Variants in TRPS1 observed in about 807,000 individuals in gnomAD.
TRPS1 encodes the protein transcriptional repressor GATA binding 1, also known as zinc finger transcription factor Trps1.
A neutral mutation model predicts 101.2 loss-of-function variants in TRPS1; 6 were observed. The observed-to-expected ratio is 0.06, with a 90% CI of 0.03 to 0.12. The LOEUF (loss-of-function observed/expected upper bound fraction) is 0.12. Among genes scored for constraint, TRPS1 ranks in the 10% least tolerant of loss-of-function variants. The pLI is 1.00. For missense variants in TRPS1, 1,363 were observed against 1,567.0 expected (o/e 0.87, Z 2.20); for synonymous variants, 578 against 589.8 (o/e 0.98, Z 0.29).
chr8:115,427,161 G>A (rs1218387107), intron 5 of TRPS1, among the ~76,000 whole-genome samples: 2 of 151,260 alleles, frequency 1.3e-5, no homozygotes, highest in East Asian at 3.9e-4. Flanking sequence ...TCTATAATCT[G>A]AGCTACTCTG....
intron 5 of TRPS1, among the ~76,000 whole-genome samples, chr8:115,456,082 G>A (rs903116331): frequency 7.2e-5 from 11 of 152,044 alleles, no homozygotes; most frequent in Non-Finnish European, 1.3e-4. Context: ...TGTGAGCCAC[G>A]GTGCCTGGCC....
chr8:115,469,170 A>G (rs2130006545), intron 5 of TRPS1, among the ~76,000 whole-genome samples: 1 of 152,228 alleles, frequency 6.6e-6, no homozygotes, highest in South Asian at 2.1e-4. Flanking sequence ...AAACATACAC[A>G]CACACATGCT....
chr8:115,495,540 TTTCCTA>T, intron 5 of TRPS1, among the ~76,000 whole-genome samples: 1 of 151,218 alleles, frequency 6.6e-6, no homozygotes, highest in East Asian at 1.9e-4. Context: ...CAGAATCCTT[TTTCCTA>T]TTCCTATTCC....
At chr8:115,595,494 T>C (rs887570892) in intron 4 of TRPS1, among the ~76,000 whole-genome samples, 6 of 151,944 alleles carry the variant, frequency 3.9e-5, no homozygotes, top group African/African-American at 9.7e-5. Context: ...ATTTTTAAGT[T>C]GAAATAATCT....
chr8:115,418,448 C>T lies in TRPS1; in HGVS notation c.2705G>A (p.Arg902His), dbSNP rs549374718. ...GGCACAAAAAACACCGGAGCCTCTA[C>T]GCCTCTGAAACAGGGGAAAAAAACC... ...KDESQSLLRR[R>H]RGSGVFCANC... is the part of the protein sequence containing the mutation. Residue 902 changes from arginine (R) to histidine (H), a missense_variant, in exon 6 of 7, where the codon CGT (arginine) becomes CAT (histidine). Arg to His is a conservative substitution (Grantham distance 29). Around this residue, in one of 5 missense-constraint regions of TRPS1, gnomAD observed 22 missense variants for 37.9 expected, o/e 0.58. Coordinates refer to ENST00000395715, the MANE Select transcript of TRPS1 (RefSeq NM_014112.5). This position sits in a 1 kb window ranked among gnomAD's most constrained non-coding sequence, Gnocchi z 4.3. 3.1e-6 allele frequency: 5 copies of T among 1,614,066 alleles called. No individual in the cohort carries two copies. Among genetic ancestry groups the T allele is most frequent in the African/African-American group, 1.3e-5 (1 of 75,034 alleles).
Position 115,498,536 on chromosome 8 carries a change from G to A in TRPS1, c.2701-80084C>T, listed in dbSNP as rs185617456. On this transcript the variant is annotated intron_variant, in intron 5 of 6. Coordinates refer to ENST00000395715, the MANE Select transcript of TRPS1 (RefSeq NM_014112.5). ...TGTCATTTTCAGTTTTAATCTTGGA[G>A]AGTAACTTCAGAATTTGTAAAATTT... 1.5e-3 allele frequency among the ~76,000 whole-genome samples: 225 copies of A among 150,412 alleles called. 2 individuals are homozygous for A. The highest frequency in any genetic ancestry group is 1.8e-3 in the Non-Finnish European group (122 of 67,686).
chr8:115,657,983 GAA>G (rs1811712278), intron 1 of TRPS1, among the ~76,000 whole-genome samples: 1 of 151,920 alleles, frequency 6.6e-6, no homozygotes, highest in African/African-American at 2.4e-5. Flanking sequence ...TACTCCTCCA[GAA>G]ACTAAAATAT....
rs79149286 is a variant in TRPS1, at chr8:115,542,340, G to A, written c.2700+44661C>T. On this transcript the variant is annotated intron_variant, in intron 5 of 6. Transcript: ENST00000395715. ...ATATTTATTAGGCAAAATGTAATTT[G>A]GAATCCTTTCTTGCACCCAAACCTA... Among the ~76,000 whole-genome samples, 835 of 152,094 alleles carry A rather than the reference G, an allele frequency of 5.5e-3. 26 individuals carry two copies. In the East Asian group the frequency reaches 0.091, roughly 17 times the overall value.
At chr8:115,421,316 A>G (rs1441362376) in intron 5 of TRPS1, among the ~76,000 whole-genome samples, 1 of 152,012 alleles carries the variant, frequency 6.6e-6, no homozygotes, top group African/African-American at 2.4e-5. Context: ...AATAGATGCA[A>G]TTAAAACGGT....
At chr8:115,627,079 G>A (rs1186131133) in intron 1 of TRPS1, among the ~76,000 whole-genome samples, 2 of 151,380 alleles carry the variant, frequency 1.3e-5, no homozygotes, top group African/African-American at 4.8e-5. Flanking sequence ...TGACACTGTA[G>A]GACACATGTA....
At chr8:115,634,989 C>T (rs1818735313) in intron 1 of TRPS1, among the ~76,000 whole-genome samples, 1 of 152,024 alleles carries the variant, frequency 6.6e-6, no homozygotes. Context: ...CAATGTAGTC[C>T]AGGTAAGCTA....
chr8:115,467,858 C>A (rs965748778), intron 5 of TRPS1, among the ~76,000 whole-genome samples: 10 of 152,166 alleles, frequency 6.6e-5, no homozygotes, highest in African/African-American at 2.4e-4. Context: ...TTGATCATAA[C>A]CTGAGCTTCT....
chr8:115,466,273 T>C (rs1814315571), intron 5 of TRPS1, among the ~76,000 whole-genome samples: 1 of 152,190 alleles, frequency 6.6e-6, no homozygotes, highest in South Asian at 2.1e-4. Context: ...GCACTAATTA[T>C]ATATTTTTTA....
chr8:115,510,484 T>C (rs951064567), intron 5 of TRPS1, among the ~76,000 whole-genome samples: 5 of 151,978 alleles, frequency 3.3e-5, no homozygotes, highest in African/African-American at 4.8e-5. Context: ...TCTTAAGCTA[T>C]CTATTAATAA....
chr8:115,459,022 C>T (rs1213178960), intron 5 of TRPS1, among the ~76,000 whole-genome samples: 1 of 152,062 alleles, frequency 6.6e-6, no homozygotes, highest in Non-Finnish European at 1.5e-5. Context: ...AAATTTTGTT[C>T]ACGTCTTGGA....
intron 1 of TRPS1, among the ~76,000 whole-genome samples, chr8:115,648,410 G>T (rs1055789924): frequency 6.6e-6 from 1 of 152,198 alleles, no homozygotes; most frequent in Admixed American, 6.5e-5. Flanking sequence ...CCACAGCCCG[G>T]GCGCCGAGCA....
intron 5 of TRPS1, among the ~76,000 whole-genome samples, chr8:115,529,736 A>G (rs1286726951): frequency 1.3e-5 from 2 of 152,102 alleles, no homozygotes; most frequent in Non-Finnish European, 2.9e-5. Context: ...TTTTGTGCCA[A>G]CAATGCCCAC....
intron 5 of TRPS1, among the ~76,000 whole-genome samples, chr8:115,498,415 C>CTCTCTCTCTATATATA (rs1486361297): frequency 2.5e-5 from 1 of 39,298 alleles, no homozygotes; most frequent in Non-Finnish European, 4.4e-5. Context: ...CTCTCTCTCT[C>CTCTCTCTCTATATATA]TATATATATA....
intron 1 of TRPS1, among the ~76,000 whole-genome samples, chr8:115,648,313 C>A (rs565843770): frequency 1.3e-5 from 2 of 152,232 alleles, no homozygotes; most frequent in African/African-American, 4.8e-5. Flanking sequence ...AGGCTGCAGG[C>A]ACCGCGCAGC....
Sources: allele counts gnomAD v4.1 joint callset (sites outside exome capture counted in the v4.1 genomes callset), GRCh38; gene constraint gnomAD v4.1.1; regional missense constraint gnomAD v4.1.1; non-coding constraint Gnocchi (gnomAD v3.1); transcripts MANE v1.5; gene names NCBI Gene and HGNC (gene_info 2026-07-23, HGNC 2026-07-21).